Variants in ZNF462 observed in about 807,000 individuals in gnomAD.
ZNF462 encodes zinc finger PBX1-interacting protein.
Under a neutral mutation model 201.9 loss-of-function variants are expected in ZNF462, and 10 were observed. The observed-to-expected ratio is 0.05, with a 90% confidence interval of 0.03 to 0.08. ZNF462 has a LOEUF of 0.08. Among genes scored for constraint, ZNF462 ranks in the 10% least tolerant of loss-of-function variants. ZNF462 has a pLI of 1.00. For missense variants in ZNF462, 2,523 were observed against 3,168.3 expected (o/e 0.80, Z 4.89); for synonymous variants, 1,227 against 1,193.3 (o/e 1.03, Z -0.58).
chr9:106,918,628 A>T (rs1349442582), intron 1 of ZNF462, among the ~76,000 whole-genome samples: 2 of 152,236 alleles, frequency 1.3e-5, no homozygotes, highest in Non-Finnish European at 2.9e-5. Context: ...TTTTAAAAAA[A>T]ATCATTTTTC....
rs534392792 is a variant in ZNF462, at chr9:106,968,350, A to G, written c.6428-3655A>G. 2.0e-5 allele frequency among the ~76,000 whole-genome samples: 3 copies of G among 152,318 alleles called. No individual in the cohort carries two copies. In the East Asian group the frequency reaches 5.8e-4, roughly 29 times the overall value. Reference sequence around the variant, plus strand: ...ATAGGCACTGTGACCATCATTGCTAAAATTCTAATTTGATCCTGATTTTAA... The same window carrying G: ...ATAGGCACTGTGACCATCATTGCTAGAATTCTAATTTGATCCTGATTTTAA... On this transcript the variant is annotated intron_variant, in intron 7 of 12. Transcript: ENST00000277225. This position sits in a 1 kb window ranked among gnomAD's most constrained non-coding sequence, Gnocchi z 4.0.
chr9:107,004,688 A>G (rs1195781560), intron 11 of ZNF462, among the ~76,000 whole-genome samples: 1 of 152,160 alleles, frequency 6.6e-6, no homozygotes, highest in African/African-American at 2.4e-5. Flanking sequence ...GCTAATTAAC[A>G]TATGCATTAC....
chr9:106,901,258 T>C (rs1190250819), intron 1 of ZNF462, among the ~76,000 whole-genome samples: 1 of 152,202 alleles, frequency 6.6e-6, no homozygotes, highest in East Asian at 1.9e-4. Context: ...GGTTCTCTAT[T>C]CTCTTCCACT....
In ZNF462 at chr9:106,984,055, G is replaced by T; in HGVS notation, c.6833-131G>T. The T allele has an allele frequency of 1.3e-6, 1 of 753,898 alleles. No individual in the cohort carries two copies. The highest frequency in any genetic ancestry group is 2.2e-6 in the Non-Finnish European group (1 of 463,584). 46.7% of individuals were successfully genotyped at this position (753,898 alleles called of 1,614,324 possible). On this transcript the variant is annotated intron_variant, in intron 9 of 12. Transcript: ENST00000277225. This position sits in a 1 kb window ranked among gnomAD's most constrained non-coding sequence, Gnocchi z 6.4. ...GTTAGGGGAGGGGCAGGGTGCATGT[G>T]TGTCAGTTCAAGGAACCAGATCCAC...
chr9:106,985,312 A>G (rs754147111), intron 10 of ZNF462, among the ~76,000 whole-genome samples: 4 of 152,178 alleles, frequency 2.6e-5, no homozygotes, highest in Non-Finnish European at 4.4e-5. Context: ...ATGTCTGAAC[A>G]TTATAAGGAT....
rs4743040 is a variant in ZNF462 at position 106,954,457 on chromosome 9, G to C, written c.6427+15350G>C. Among the ~76,000 whole-genome samples the C allele has an allele frequency of 5.5e-3, 826 of 151,504 alleles. 2 individuals carry two copies. The highest frequency in any genetic ancestry group is 7.2e-3 in the Admixed American group (109 of 15,206). On this transcript the variant is annotated intron_variant, in intron 7 of 12. Transcript: ENST00000277225. The surrounding 1 kb of genome is among the most constrained non-coding windows in gnomAD (Gnocchi z 4.0). ...CCTTGACACGTGGGGATTACAATTAGAGATGAGATTTGGGTGGGGACACAG... is the reference window on the plus strand; with the variant it reads ...CCTTGACACGTGGGGATTACAATTACAGATGAGATTTGGGTGGGGACACAG...
Position 106,968,862 on chromosome 9 carries a change from G to A in ZNF462, c.6428-3143G>A, listed in dbSNP as rs1832197059. 6.6e-6 allele frequency among the ~76,000 whole-genome samples: 1 copy of A among 152,144 alleles called. No homozygotes were observed. The highest frequency in any genetic ancestry group is 1.5e-5 in the Non-Finnish European group (1 of 68,016). On this transcript the variant is annotated intron_variant, in intron 7 of 12. Coordinates refer to ENST00000277225, the MANE Select transcript of ZNF462 (RefSeq NM_021224.6). The surrounding 1 kb of genome is among the most constrained non-coding windows in gnomAD (Gnocchi z 4.0). ...TGATGATTTTTAACTTATGTGACATGCCCTTCGCAGCTAACAATCTGTTTG... is the reference window on the plus strand; with the variant it reads ...TGATGATTTTTAACTTATGTGACATACCCTTCGCAGCTAACAATCTGTTTG...
intron 10 of ZNF462, among the ~76,000 whole-genome samples, chr9:106,991,874 ACACACAC>A (rs1828303444): frequency 6.6e-6 from 1 of 151,090 alleles, no homozygotes; most frequent in Admixed American, 6.6e-5. Context: ...ACACACACAC[ACACACAC>A]AACAATCAAA....
chr9:106,941,746 A>C (rs1317757417), intron 7 of ZNF462, among the ~76,000 whole-genome samples: 1 of 152,232 alleles, frequency 6.6e-6, no homozygotes, highest in Non-Finnish European at 1.5e-5. Flanking sequence ...GTAGTTAATA[A>C]TTGTTCATTC....
In ZNF462 at chr9:106,883,821, A is replaced by C. The variant is rs1032451289; in HGVS notation, c.-31+20466A>C. ...ATGGACAGGGGAGCCTACGCAAGTC[A>C]TGGGGGCTGGTGAGCAAACTCTACA... On this transcript the variant is annotated intron_variant, in intron 1 of 12. Transcript: ENST00000277225. This position sits in a 1 kb window ranked among gnomAD's most constrained non-coding sequence, Gnocchi z 4.9. Among the ~76,000 whole-genome samples, 1 of 152,080 alleles carries C rather than the reference A, an allele frequency of 6.6e-6. No individual in the cohort carries two copies. Among genetic ancestry groups the C allele is most frequent in the African/African-American group, 2.4e-5 (1 of 41,414 alleles).
At position 106,972,167 on chromosome 9, in the gene ZNF462, A is replaced by T; in HGVS notation, c.6590A>T (p.Glu2197Val). The T allele has an allele frequency of 1.9e-6, 3 of 1,614,202 alleles. No individual in the cohort carries two copies. The highest frequency in any genetic ancestry group is 2.5e-6 in the Non-Finnish European group (3 of 1,180,018). ...TEAVLHCEFCEFSSGYIQSIR... is the reference protein window; with the variant it reads ...TEAVLHCEFCVFSSGYIQSIR... ...GCCGTGCTTCACTGCGAATTCTGTG[A>T]ATTCTCCTCCGGCTACATCCAGAGC... The change falls in exon 8 of 13, where the codon GAA becomes GTA. Residue 2197 changes from glutamate (E) to valine (V), a missense_variant. Glu to Val is a moderately radical substitution (Grantham distance 121, BLOSUM62 -2). Transcript: ENST00000277225. The surrounding 1 kb of genome is among the most constrained non-coding windows in gnomAD (Gnocchi z 4.8).
Position 106,932,342 on chromosome 9 carries a change from G to A in ZNF462, c.6013-104G>A, listed in dbSNP as rs780819062. 2.5e-6 allele frequency: 4 copies of A among 1,573,736 alleles called. No individual in the cohort carries two copies. The highest frequency in any genetic ancestry group is 3.5e-6 in the Non-Finnish European group (4 of 1,159,176). ...GACGCCAGTGGCGCCCTGGTGGGCC[G>A]GGTGGATGGTGAACACTGCTTGCTT... On this transcript the variant is annotated intron_variant, in intron 4 of 12. Transcript: ENST00000277225. This position sits in a 1 kb window ranked among gnomAD's most constrained non-coding sequence, Gnocchi z 6.8.
chr9:107,007,568 A>C (rs2132731491), intron 11 of ZNF462, among the ~76,000 whole-genome samples: 1 of 152,266 alleles, frequency 6.6e-6, no homozygotes, highest in African/African-American at 2.4e-5. Context: ...ACAAGCCTAA[A>C]CCTTCCCTTC....
Position 106,924,802 on chromosome 9 carries a change from C to T in ZNF462, c.890C>T (p.Thr297Ile). The T allele has an allele frequency of 6.2e-7, 1 of 1,614,238 alleles. No homozygotes were observed. The highest frequency in any genetic ancestry group is 2.2e-5 in the East Asian group (1 of 44,882). The change falls in exon 3 of 13, where the codon ACT becomes ATT. Residue 297 changes from threonine to isoleucine, a missense_variant. Transcript: ENST00000277225. This position sits in a 1 kb window ranked among gnomAD's most constrained non-coding sequence, Gnocchi z 6.2. ...DVPNKSAPSP[T>I]SNSTYLTMNA... Reference sequence around the variant, plus strand: ...CCGAACAAGAGTGCCCCCAGCCCCACTTCCAACTCCACCTATCTGACCATG... The same window carrying T: ...CCGAACAAGAGTGCCCCCAGCCCCATTTCCAACTCCACCTATCTGACCATG...
rs1828515578 is a variant in ZNF462, at chr9:106,890,234, GC to G, written c.-31+26881del. Among the ~76,000 whole-genome samples, 1 of 152,166 alleles carries G rather than the reference GC, an allele frequency of 6.6e-6. No individual in the cohort carries two copies. The highest frequency in any genetic ancestry group is 6.5e-5 in the Admixed American group (1 of 15,280). On this transcript the variant is annotated intron_variant, in intron 1 of 12. Coordinates refer to ENST00000277225, the MANE Select transcript of ZNF462 (RefSeq NM_021224.6). This position sits in a 1 kb window ranked among gnomAD's most constrained non-coding sequence, Gnocchi z 4.2. ...CGTGGCCTTGACTGAGCTGTGTATG[GC>G]CTCACTCTTCAATTCTGTTGTCAGC...
upstream of ZNF462, among the ~76,000 whole-genome samples, chr9:106,862,073 A>AC (rs959633105): frequency 9.9e-5 from 15 of 150,928 alleles, no homozygotes; most frequent in Non-Finnish European, 1.6e-4. This position sits in a 1 kb window ranked among gnomAD's most constrained non-coding sequence, Gnocchi z 4.2. Flanking sequence ...TTCCTCCTCC[A>AC]CCCCCCCACC....
At position 106,933,341 on chromosome 9, in the gene ZNF462, G is replaced by C. The variant is rs913948732; in HGVS notation, c.6116+792G>C. ...AGTTAGTGGTTGTTGAACAGAAGAA[G>C]GAGGTGGTGTTTTCACAGAGGTTAG... is the stretch of plus-strand genomic sequence containing the variant. On this transcript the variant is annotated intron_variant, in intron 5 of 12. Coordinates refer to ENST00000277225, the MANE Select transcript of ZNF462 (RefSeq NM_021224.6). This position sits in a 1 kb window ranked among gnomAD's most constrained non-coding sequence, Gnocchi z 4.3. 6.6e-6 allele frequency: 1 copy of C among 152,298 alleles called. No individual in the cohort carries two copies. Among genetic ancestry groups the C allele is most frequent in the Non-Finnish European group, 1.5e-5 (1 of 68,144 alleles). The allele number at this position is 152,298 out of a possible 1,614,324, so 9.4% of individuals were successfully genotyped here.
Position 106,929,215 on chromosome 9 carries a change from A to G in ZNF462, c.5303A>G (p.Lys1768Arg). ...CTCCGGCGGGCAGTGGAGAAGAAAA[A>G]GTGCTCCTTGTGCTCTTTCCAGTCG... The part of the protein sequence containing the change: ...EELRRAVEKK[K>R]CSLCSFQSFS... Residue 1768 changes from lysine to arginine, a missense_variant, in exon 3 of 13, where the codon AAG (lysine) becomes AGG (arginine). Transcript: ENST00000277225. This position sits in a 1 kb window ranked among gnomAD's most constrained non-coding sequence, Gnocchi z 8.7. 1 of 1,614,136 alleles carries G rather than the reference A, an allele frequency of 6.2e-7. No homozygotes were observed. Among genetic ancestry groups the G allele is most frequent in the Non-Finnish European group, 8.5e-7 (1 of 1,180,034 alleles).
intron 7 of ZNF462, among the ~76,000 whole-genome samples, chr9:106,965,359 A>G (rs1352040290): frequency 7.6e-6 from 1 of 132,056 alleles, no homozygotes; most frequent in Non-Finnish European, 1.5e-5. Context: ...ATATATGAGT[A>G]ATGATATGTA....
Sources: allele counts gnomAD v4.1 joint callset (sites outside exome capture counted in the v4.1 genomes callset), GRCh38; gene constraint gnomAD v4.1.1; non-coding constraint Gnocchi (gnomAD v3.1); transcripts MANE v1.5; gene names NCBI Gene and HGNC (gene_info 2026-07-23, HGNC 2026-07-21).